The following ZNF865 variants were observed in gnomAD, a reference collection of about 807,000 sequenced individuals.
The protein encoded by ZNF865 is zinc finger protein 865.
For synonymous variants in ZNF865, 763 were observed against 750.8 expected (o/e 1.02, Z -0.27); for missense variants, 1,311 against 1,593.4 (o/e 0.82, Z 3.02).
chr19:55,606,441 T>C (rs1980945418), intron 1 of ZNF865, among the ~76,000 whole-genome samples: 1 of 152,188 alleles, frequency 6.6e-6, no homozygotes, highest in Admixed American at 6.5e-5. Flanking sequence ...ATCCGCCTGC[T>C]TAGCTCCAGG....
chr19:55,616,732 G>A lies in ZNF865; in HGVS notation c.3114G>A (p.Ala1038=). 6.6e-7 allele frequency: 1 copy of A among 1,505,040 alleles called. No individual in the cohort carries two copies. Among genetic ancestry groups the A allele is most frequent in the Admixed American group, 2.2e-5 (1 of 45,400 alleles). 93.2% of individuals were successfully genotyped at this position (1,505,040 alleles called of 1,614,324 possible). Residue 1038 remains alanine, a synonymous_variant, in exon 2 of 2, where the codon GCG becomes GCA. Coordinates refer to ENST00000568956, the MANE Select transcript of ZNF865 (RefSeq NM_001195605.2). ...ACGGCCTCAAGAAACACCGCCTGGC[G>A]CACAAGGCCGAGAACCTCGGGGGGC... is the stretch of plus-strand genomic sequence containing the variant. ...NTYGLKKHRL[A]HKAENLGGPG...
chr19:55,616,264 C>T lies in ZNF865; in HGVS notation c.2646C>T (p.Gly882=), dbSNP rs1175449855. The change falls in exon 2 of 2, where the codon GGC becomes GGT. Residue 882 remains glycine, a synonymous_variant. Coordinates refer to ENST00000568956, the MANE Select transcript of ZNF865 (RefSeq NM_001195605.2). ...GGCCGTACCGATGTGGCGTGTGCGG[C>T]CGAGGCTTCCTGCGCTCCTGGTACC... ...EQRPYRCGVC[G]RGFLRSWYLR... 1 of 1,520,920 alleles carries T rather than the reference C, an allele frequency of 6.6e-7. No homozygotes were observed. The allele number at this position is 1,520,920 out of a possible 1,614,324, so 94.2% of individuals were successfully genotyped here.
rs983632524 is a variant in ZNF865, at chr19:55,616,408, G to A, written c.2790G>A (p.Arg930=). 6.6e-7 allele frequency: 1 copy of A among 1,505,892 alleles called. No individual in the cohort carries two copies. The highest frequency in any genetic ancestry group is 8.8e-7 in the Non-Finnish European group (1 of 1,133,384). The allele number at this position is 1,505,892 out of a possible 1,614,324, so 93.3% of individuals were successfully genotyped here. A position where few individuals can be genotyped will look rare whatever the true frequency, so the allele number is the denominator to read the frequency against. ...AEHRRLHAVA[R]PQRCSACGKT... ...ACCGGCGGCTGCACGCTGTGGCCCG[G>A]CCCCAGCGCTGCAGCGCCTGTGGCA... The change falls in exon 2 of 2, where the codon CGG becomes CGA. Residue 930 remains arginine (R), a synonymous_variant. Transcript: ENST00000568956.
At chr19:55,606,305 C>T (rs1219032509) in intron 1 of ZNF865, among the ~76,000 whole-genome samples, 1 of 152,068 alleles carries the variant, frequency 6.6e-6, no homozygotes, top group African/African-American at 2.4e-5. Context: ...TGCCTTTTTC[C>T]CTTCTGCAGG....
intron 1 of ZNF865, among the ~76,000 whole-genome samples, chr19:55,610,042 A>G (rs1981074635): frequency 6.6e-6 from 1 of 152,080 alleles, no homozygotes; most frequent in Non-Finnish European, 1.5e-5. Flanking sequence ...TTCTCCCAGG[A>G]ATTCCTGGGA....
intron 1 of ZNF865, among the ~76,000 whole-genome samples, chr19:55,608,746 C>CA (rs1262142280): frequency 6.6e-6 from 1 of 152,134 alleles, no homozygotes; most frequent in African/African-American, 2.4e-5. Flanking sequence ...TTGAATGAAA[C>CA]AAGCCACATA....
chr19:55,616,167 G>T lies in ZNF865; in HGVS notation c.2549G>T (p.Cys850Phe). Residue 850 changes from cysteine (C) to phenylalanine (F), a missense_variant, in exon 2 of 2, where the codon TGC (cysteine) becomes TTC (phenylalanine). By Grantham distance (205) the Cys-to-Phe change is radical (BLOSUM62 -2). Transcript: ENST00000568956. ...RSHRQKRGFR[C>F]PVCGKRFWEA... Reference sequence around the variant, plus strand: ...CATCGGCAGAAGCGGGGTTTCCGCTGCCCGGTGTGCGGGAAGCGCTTCTGG... The same window carrying T: ...CATCGGCAGAAGCGGGGTTTCCGCTTCCCGGTGTGCGGGAAGCGCTTCTGG... 1 of 1,513,520 alleles carries T rather than the reference G, an allele frequency of 6.6e-7. No individual in the cohort carries two copies. The highest frequency in any genetic ancestry group is 8.8e-7 in the Non-Finnish European group (1 of 1,134,656). The allele number at this position is 1,513,520 out of a possible 1,614,324, so 93.8% of individuals were successfully genotyped here.
chr19:55,611,978 G>T lies in ZNF865; in HGVS notation c.-26-1615G>T, dbSNP rs1981153452. ...GAGGTGCCAGAGAATGATGCCGGGG[G>T]TGGAGGGTCAGGAGAAGCCCCACTA... On this transcript the variant is annotated intron_variant, in intron 1 of 1. Coordinates refer to ENST00000568956, the MANE Select transcript of ZNF865 (RefSeq NM_001195605.2). The surrounding 1 kb of genome is among the most constrained non-coding windows in gnomAD (Gnocchi z 4.5). Among the ~76,000 whole-genome samples, 1 of 152,140 alleles carries T rather than the reference G, an allele frequency of 6.6e-6. No homozygotes were observed. Among genetic ancestry groups the T allele is most frequent in the South Asian group, 2.1e-4 (1 of 4,826 alleles).
chr19:55,616,155 G>A lies in ZNF865; in HGVS notation c.2537G>A (p.Arg846Gln), dbSNP rs1981350808. 2 of 1,506,034 alleles carry A rather than the reference G, an allele frequency of 1.3e-6. No homozygotes were observed. The highest frequency in any genetic ancestry group is 1.8e-6 in the Non-Finnish European group (2 of 1,130,556). The allele number at this position is 1,506,034 out of a possible 1,614,324, so 93.3% of individuals were successfully genotyped here. Reference protein sequence around the residue: ...LLHRRSHRQKRGFRCPVCGKR... With the variant: ...LLHRRSHRQKQGFRCPVCGKR... ...CACCGCCGCAGCCATCGGCAGAAGCGGGGTTTCCGCTGCCCGGTGTGCGGG... is the reference window on the plus strand; with the variant it reads ...CACCGCCGCAGCCATCGGCAGAAGCAGGGTTTCCGCTGCCCGGTGTGCGGG... Residue 846 changes from arginine to glutamine, a missense_variant, in exon 2 of 2, where the codon CGG becomes CAG. By Grantham distance (43) the Arg-to-Gln change is conservative. Transcript: ENST00000568956.
At chr19:55,609,621 C>T (rs1005292401) in intron 1 of ZNF865, among the ~76,000 whole-genome samples, 1 of 152,220 alleles carries the variant, frequency 6.6e-6, no homozygotes, top group Non-Finnish European at 1.5e-5. Context: ...GCCACATGAC[C>T]TTGGAGGAAT....
In ZNF865 at chr19:55,616,770, C is replaced by A. The variant is rs1200435073; in HGVS notation, c.3152C>A (p.Ala1051Glu). The change falls in exon 2 of 2, where the codon GCG becomes GAG. Residue 1051 changes from alanine to glutamate, a missense_variant. By Grantham distance (107) the Ala-to-Glu change is moderately radical. Transcript: ENST00000568956. Reference protein sequence around the residue: ...AENLGGPGAGAGTLAGKDA With the variant: ...AENLGGPGAGEGTLAGKDA ...AACCTCGGGGGGCCTGGAGCAGGGG[C>A]GGGCACCTTGGCCGGGAAGGATGCC... 14 of 1,450,878 alleles carry A rather than the reference C, an allele frequency of 9.6e-6. No individual in the cohort carries two copies. Among genetic ancestry groups the A allele is most frequent in the Non-Finnish European group, 1.3e-5 (14 of 1,107,838 alleles). The allele number at this position is 1,450,878 out of a possible 1,614,324, so 89.9% of individuals were successfully genotyped here.
chr19:55,615,060 C>G lies in ZNF865; in HGVS notation c.1442C>G (p.Pro481Arg). ...EAPKDGAASA[P>R]QPPPTFPPGP... ...CCCAAGGACGGGGCGGCCTCGGCCCCGCAGCCCCCGCCCACCTTCCCCCCG... is the reference window on the plus strand; with the variant it reads ...CCCAAGGACGGGGCGGCCTCGGCCCGGCAGCCCCCGCCCACCTTCCCCCCG... Residue 481 changes from proline to arginine, a missense_variant, in exon 2 of 2, where the codon CCG becomes CGG. Transcript: ENST00000568956. The G allele has an allele frequency of 8.1e-7, 1 of 1,230,306 alleles. No individual in the cohort carries two copies. The allele number at this position is 1,230,306 out of a possible 1,614,324, so 76.2% of individuals were successfully genotyped here.
chr19:55,615,146 G>C lies in ZNF865; in HGVS notation c.1528G>C (p.Ala510Pro). The C allele has an allele frequency of 8.5e-7, 1 of 1,182,462 alleles. No individual in the cohort carries two copies. Among genetic ancestry groups the C allele is most frequent in the Non-Finnish European group, 1.0e-6 (1 of 957,576 alleles). 73.2% of individuals were successfully genotyped at this position (1,182,462 alleles called of 1,614,324 possible). Residue 510 changes from alanine to proline, a missense_variant, in exon 2 of 2, where the codon GCG (alanine) becomes CCG (proline). Physicochemically the swap from Ala to Pro is conservative, Grantham distance 27. Coordinates refer to ENST00000568956, the MANE Select transcript of ZNF865 (RefSeq NM_001195605.2). ...TTDSEKAAAA[A>P]AAVVYGAVPV... ...AGACAGCGAGAAGGCGGCGGCGGCC[G>C]CGGCGGCGGTGGTGTACGGCGCTGT...
At chr19:55,610,462 T>C (rs763311830) in intron 1 of ZNF865, among the ~76,000 whole-genome samples, 5 of 152,230 alleles carry the variant, frequency 3.3e-5, no homozygotes, top group Admixed American at 1.3e-4. Flanking sequence ...GGTTTCGCCA[T>C]GTAGGCCAGA....
At position 55,614,260 on chromosome 19, in the gene ZNF865, G is replaced by A; in HGVS notation, c.642G>A (p.Arg214=). Residue 214 remains arginine (R), a synonymous_variant, in exon 2 of 2, where the codon CGG becomes CGA. Transcript: ENST00000568956. This position sits in a 1 kb window ranked among gnomAD's most constrained non-coding sequence, Gnocchi z 8.0. ...CCAAGGACGACAAGGGCTACTTCCG[G>A]AGACTGAAGTACCTGATGGAGCGGC... ...DPTKDDKGYF[R]RLKYLMERRF... is the part of the protein sequence containing the mutation. The A allele has an allele frequency of 4.0e-6, 6 of 1,516,048 alleles. No individual in the cohort carries two copies. Among genetic ancestry groups the A allele is most frequent in the Non-Finnish European group, 5.3e-6 (6 of 1,137,644 alleles). The allele number at this position is 1,516,048 out of a possible 1,614,324, so 93.9% of individuals were successfully genotyped here. A position where few individuals can be genotyped will look rare whatever the true frequency, so the allele number is the denominator to read the frequency against.
Position 55,613,797 on chromosome 19 carries a change from G to A in ZNF865, c.179G>A (p.Cys60Tyr), listed in dbSNP as rs1981224936. 1.3e-6 allele frequency: 2 copies of A among 1,522,914 alleles called. No homozygotes were observed. The highest frequency in any genetic ancestry group is 2.0e-5 in the Admixed American group (1 of 49,700). The allele number at this position is 1,522,914 out of a possible 1,614,324, so 94.3% of individuals were successfully genotyped here. Residue 60 changes from cysteine (C) to tyrosine (Y), a missense_variant, in exon 2 of 2, where the codon TGC (cysteine) becomes TAC (tyrosine). Cys to Tyr is a radical substitution (Grantham distance 194). Coordinates refer to ENST00000568956, the MANE Select transcript of ZNF865 (RefSeq NM_001195605.2). ...GCCAAGGCGGTGGCGGCCCTGCCCT[G>A]CGCCCCCGGCCCCCCGCCGCAGCCC... is the stretch of plus-strand genomic sequence containing the variant. Reference protein sequence around the residue: ...EHAKAVAALPCAPGPPPQPPP... With the variant: ...EHAKAVAALPYAPGPPPQPPP...
rs1981318187 is a variant in ZNF865, at chr19:55,615,508, C to T, written c.1890C>T (p.Leu630=). The T allele has an allele frequency of 6.6e-7, 1 of 1,509,744 alleles. No individual in the cohort carries two copies. Among genetic ancestry groups the T allele is most frequent in the South Asian group, 1.2e-5 (1 of 80,694 alleles). The allele number at this position is 1,509,744 out of a possible 1,614,324, so 93.5% of individuals were successfully genotyped here. The change falls in exon 2 of 2, where the codon CTC becomes CTT. Residue 630 remains leucine, a synonymous_variant. Coordinates refer to ENST00000568956, the MANE Select transcript of ZNF865 (RefSeq NM_001195605.2). ...SLTRHRQVHR[L]QLPCALAGAA... is the part of the protein sequence containing the mutation. ...CCCGCCACCGCCAGGTGCACCGGCT[C>T]CAGCTGCCCTGCGCCCTGGCCGGGG...
rs1157944451 is a variant in ZNF865 at position 55,613,580 on chromosome 19, C to A, written c.-26-13C>A. 1 of 1,484,062 alleles carries A rather than the reference C, an allele frequency of 6.7e-7. No homozygotes were observed. The highest frequency in any genetic ancestry group is 1.4e-5 in the African/African-American group (1 of 71,526). The allele number at this position is 1,484,062 out of a possible 1,614,324, so 91.9% of individuals were successfully genotyped here. A position where few individuals can be genotyped will look rare whatever the true frequency, so the allele number is the denominator to read the frequency against. On this transcript the variant is annotated splice_polypyrimidine_tract_variant and intron_variant, in intron 1 of 1. Coordinates refer to ENST00000568956, the MANE Select transcript of ZNF865 (RefSeq NM_001195605.2). ...CCGCGGCCGTGTCCTCAGCCCCGTCCTCCTCTTCACAGGGTCTCCCGTCTC... is the reference window on the plus strand; with the variant it reads ...CCGCGGCCGTGTCCTCAGCCCCGTCATCCTCTTCACAGGGTCTCCCGTCTC...
At position 55,614,139 on chromosome 19, in the gene ZNF865, C is replaced by T. The variant is rs1379971034; in HGVS notation, c.521C>T (p.Thr174Met). 2 of 1,437,938 alleles carry T rather than the reference C, an allele frequency of 1.4e-6. No individual in the cohort carries two copies. The highest frequency in any genetic ancestry group is 3.0e-5 in the Admixed American group (1 of 33,842). 89.1% of individuals were successfully genotyped at this position (1,437,938 alleles called of 1,614,324 possible). The part of the protein sequence containing the change: ...RGGPASGPGV[T>M]PGLGAPAGAP... ...GGGCCCGCGTCCGGGCCGGGGGTGACGCCTGGGCTGGGCGCTCCCGCGGGG... is the reference window on the plus strand; with the variant it reads ...GGGCCCGCGTCCGGGCCGGGGGTGATGCCTGGGCTGGGCGCTCCCGCGGGG... The change falls in exon 2 of 2, where the codon ACG becomes ATG. Residue 174 changes from threonine to methionine, a missense_variant. Physicochemically the swap from Thr to Met is moderately conservative, Grantham distance 81. Transcript: ENST00000568956. This position sits in a 1 kb window ranked among gnomAD's most constrained non-coding sequence, Gnocchi z 8.0.
Sources: gnomAD v4.1 joint callset for allele counts (sites outside exome capture counted in the v4.1 genomes callset) on GRCh38, gnomAD v4.1.1 for gene constraint, Gnocchi (gnomAD v3.1) non-coding constraint, MANE v1.5 for transcripts, NCBI Gene and HGNC (gene_info 2026-07-23, HGNC 2026-07-21) for gene names.